ATXN1: variants seen among roughly 807,000 people sequenced by gnomAD.
ATXN1 encodes the protein ataxin-1.
A neutral mutation model predicts 56.4 loss-of-function variants in ATXN1; 8 were observed. That is an observed-to-expected ratio of 0.14 (90% CI 0.08 to 0.26). The LOEUF is 0.26. ATXN1 is among the 10% of genes least tolerant of loss of function. The pLI is 1.00. For synonymous variants in ATXN1, 514 were observed against 494.6 expected (o/e 1.04, Z -0.52); for missense variants, 987 against 1,106.5 (o/e 0.89, Z 1.53).
chr6:16,443,534 G>A (rs1198363274), intron 6 of ATXN1, among the ~76,000 whole-genome samples: 1 of 152,112 alleles, frequency 6.6e-6, no homozygotes, highest in Non-Finnish European at 1.5e-5. Flanking sequence ...TAATGTAATT[G>A]TCCATCTCTA....
intron 3 of ATXN1, among the ~76,000 whole-genome samples, chr6:16,637,521 A>T (rs1013220715): frequency 4.4e-4 from 67 of 152,188 alleles, no homozygotes; most frequent in Non-Finnish European, 7.2e-4. Flanking sequence ...TAAAATAAAA[A>T]AAGAAAAAGG....
chr6:16,741,434 C>A (rs1760336937), intron 2 of ATXN1, among the ~76,000 whole-genome samples: 2 of 152,180 alleles, frequency 1.3e-5, no homozygotes, highest in Admixed American at 1.3e-4. Flanking sequence ...CCAGTATACT[C>A]TTTGAAGACC....
At chr6:16,439,431 A>AGTGACTC (rs1389490439) in intron 6 of ATXN1, among the ~76,000 whole-genome samples, 1 of 123,638 alleles carries the variant, frequency 8.1e-6, no homozygotes, top group Non-Finnish European at 1.6e-5. Context: ...TGTGTACCAG[A>AGTGACTC]GTGACTCAGG....
intron 6 of ATXN1, among the ~76,000 whole-genome samples, chr6:16,336,789 C>G (rs9477085): frequency 6.6e-6 from 1 of 152,086 alleles, no homozygotes; most frequent in Non-Finnish European, 1.5e-5. Context: ...ACTACCACTG[C>G]CAGCTGGGAC....
At chr6:16,580,749 C>A (rs1176683581) in intron 4 of ATXN1, among the ~76,000 whole-genome samples, 1 of 152,156 alleles carries the variant, frequency 6.6e-6, no homozygotes. Flanking sequence ...AGTTTAAAAG[C>A]TACGCCTACA....
chr6:16,501,876 T>C (rs1760892932), intron 5 of ATXN1, among the ~76,000 whole-genome samples: 4 of 152,220 alleles, frequency 2.6e-5, no homozygotes, highest in Admixed American at 2.6e-4. Context: ...TTTCTGGTTC[T>C]AGATCCTTGA....
In ATXN1 at chr6:16,730,487, G is replaced by GTGTATGTATATATATATATATATATA. The variant is rs141836403; in HGVS notation, c.-615+22745_-615+22746insTATATATATATATATATATACATACA. On this transcript the variant is annotated intron_variant, in intron 2 of 7. Transcript: ENST00000436367. The stretch of plus-strand genomic sequence containing the variant: ...CTGGAGTTAAAGGGTAAAACAGTAT[G>GTGTATGTATATATATATATATATATA]TATATATATATATATATATAAATGT... Among the ~76,000 whole-genome samples the GTGTATGTATATATATATATATATATA allele has an allele frequency of 1.6e-3, 212 of 131,978 alleles. 2 individuals carry two copies. The highest frequency in any genetic ancestry group is 2.5e-3 in the Non-Finnish European group (153 of 60,300). 86.6% of individuals were successfully genotyped at this position (131,978 alleles called of 152,430 possible). A position where few individuals can be genotyped will look rare whatever the true frequency, so the allele number is the denominator to read the frequency against.
At chr6:16,358,088 T>A (rs1440814531) in intron 6 of ATXN1, among the ~76,000 whole-genome samples, 1 of 151,976 alleles carries the variant, frequency 6.6e-6, no homozygotes, top group Non-Finnish European at 1.5e-5. Context: ...ACACCTACCA[T>A]AATTTTGGTT....
chr6:16,311,444 T>G (rs1352376568), intron 7 of ATXN1, among the ~76,000 whole-genome samples: 1 of 152,214 alleles, frequency 6.6e-6, no homozygotes, highest in Non-Finnish European at 1.5e-5. Flanking sequence ...GAATATTGAC[T>G]GAAATAAGTA....
At chr6:16,474,027 C>T (rs918998852) in intron 6 of ATXN1, among the ~76,000 whole-genome samples, 1 of 152,180 alleles carries the variant, frequency 6.6e-6, no homozygotes, top group Admixed American at 6.5e-5. Context: ...TCAAGATAAA[C>T]TCTAAACTCC....
chr6:16,415,351 T>G (rs997381153), intron 6 of ATXN1, among the ~76,000 whole-genome samples: 1 of 152,120 alleles, frequency 6.6e-6, no homozygotes, highest in Non-Finnish European at 1.5e-5. Context: ...TGCCTCAGCC[T>G]CCCGAGTAGC....
At chr6:16,562,253 G>C (rs1177426322) in intron 4 of ATXN1, among the ~76,000 whole-genome samples, 1 of 151,362 alleles carries the variant, frequency 6.6e-6, no homozygotes, top group Non-Finnish European at 1.5e-5. Context: ...TGCACCTGTA[G>C]TCCCAGCTAT....
chr6:16,377,120 G>GT (rs1480772855), intron 6 of ATXN1, among the ~76,000 whole-genome samples: 2 of 152,200 alleles, frequency 1.3e-5, no homozygotes, highest in Non-Finnish European at 2.9e-5. Context: ...CACCAAGAAG[G>GT]TGTCATCTAT....
At chr6:16,409,922 C>G (rs138973800) in intron 6 of ATXN1, among the ~76,000 whole-genome samples, 1 of 152,060 alleles carries the variant, frequency 6.6e-6, no homozygotes, top group Non-Finnish European at 1.5e-5. Flanking sequence ...GCGGGTTGAG[C>G]GAAAACAAGG....
intron 5 of ATXN1, among the ~76,000 whole-genome samples, chr6:16,491,987 A>G (rs1214704307): frequency 6.6e-6 from 1 of 152,170 alleles, no homozygotes; most frequent in Non-Finnish European, 1.5e-5. Context: ...TACGACCACA[A>G]GAAACTAAAT....
chr6:16,578,836 A>G (rs1762472597), intron 4 of ATXN1, among the ~76,000 whole-genome samples: 1 of 152,142 alleles, frequency 6.6e-6, no homozygotes, highest in Non-Finnish European at 1.5e-5. Flanking sequence ...GACTGTGGTC[A>G]CTATATTCCA....
intron 5 of ATXN1, among the ~76,000 whole-genome samples, chr6:16,502,409 T>C (rs1760902309): frequency 6.6e-6 from 1 of 152,198 alleles, no homozygotes; most frequent in Non-Finnish European, 1.5e-5. Flanking sequence ...TATCAAGACA[T>C]TTAAGAGAAA....
intron 3 of ATXN1, among the ~76,000 whole-genome samples, chr6:16,598,563 G>A (rs72825541): frequency 0.023 from 3,451 of 152,242 alleles, 65 homozygotes; most frequent in Non-Finnish European, 0.032. Flanking sequence ...AGGTTGTTAC[G>A]TATATAAAAC....
chr6:16,641,367 T>C (rs1763702636), intron 3 of ATXN1, among the ~76,000 whole-genome samples: 1 of 152,220 alleles, frequency 6.6e-6, no homozygotes, highest in African/African-American at 2.4e-5. Flanking sequence ...GCTGACTCTC[T>C]TGTTACGGGC....
Sources: allele counts gnomAD v4.1 joint callset (sites outside exome capture counted in the v4.1 genomes callset), GRCh38; gene constraint gnomAD v4.1.1; transcripts MANE v1.5; gene names NCBI Gene and HGNC (gene_info 2026-07-23, HGNC 2026-07-21).